Variants in RAPGEF5 observed in about 807,000 individuals in gnomAD.
RAPGEF5 encodes the protein M-Ras-regulated GEF.
RAPGEF5 carries 65 observed loss-of-function variants against 125.2 expected under a neutral mutation model. The ratio of observed to expected loss-of-function variants is 0.52; its 90% CI spans 0.43 to 0.64. The LOEUF is 0.64. RAPGEF5 is among the 30% of genes least tolerant of loss of function. The probability of loss-of-function intolerance (pLI) is 0.00; values close to 1 mark genes in which losing one functional copy is unlikely to be tolerated. For missense variants in RAPGEF5, 958 were observed against 1,048.1 expected (o/e 0.91, Z 1.19); for synonymous variants, 391 against 385.9 (o/e 1.01, Z -0.16).
At chr7:22,330,969 C>G (rs946230846) in intron 1 of RAPGEF5, among the ~76,000 whole-genome samples, 1 of 152,168 alleles carries the variant, frequency 6.6e-6, no homozygotes. Context: ...ATATAGGACG[C>G]TAGCTTCATT....
chr7:22,259,901 C>T (rs1211650080), intron 7 of RAPGEF5, among the ~76,000 whole-genome samples: 1 of 152,174 alleles, frequency 6.6e-6, no homozygotes. Flanking sequence ...CCCAGCCCAA[C>T]ATGGTGAAAC....
chr7:22,154,613 G>A lies in RAPGEF5; in HGVS notation c.1637-9C>T, dbSNP rs77652375. The A allele has an allele frequency of 0.023, 37,585 of 1,610,938 alleles. 563 individuals carry two copies. The highest frequency in any genetic ancestry group is 0.057 in the Middle Eastern group (339 of 5,972). On this transcript the variant is annotated splice_polypyrimidine_tract_variant and intron_variant, in intron 16 of 25. Coordinates refer to ENST00000665637, the MANE Select transcript of RAPGEF5 (RefSeq NM_012294.5). ...ATACACGTGGCAGAAAACTGCACAAGTGAAAAGAATTGTTTGGAAACAGAG... is the reference window on the plus strand; with the variant it reads ...ATACACGTGGCAGAAAACTGCACAAATGAAAAGAATTGTTTGGAAACAGAG...
chr7:22,303,579 A>C (rs557649577), intron 5 of RAPGEF5, among the ~76,000 whole-genome samples: 47 of 152,350 alleles, frequency 3.1e-4, no homozygotes, highest in African/African-American at 1.1e-3. Flanking sequence ...AGCAAATTAG[A>C]GGGGCCTAAT....
At chr7:22,339,991 T>C (rs1306572843) in intron 1 of RAPGEF5, among the ~76,000 whole-genome samples, 2 of 152,254 alleles carry the variant, frequency 1.3e-5, no homozygotes, top group South Asian at 2.1e-4. Context: ...AAGTGGGGAA[T>C]GTGAGAACTT....
chr7:22,232,572 G>A (rs1457395295), intron 7 of RAPGEF5, among the ~76,000 whole-genome samples: 1 of 152,070 alleles, frequency 6.6e-6, no homozygotes, highest in African/African-American at 2.4e-5. Context: ...TGCCTGCCTT[G>A]GCCTCCCAAA....
At chr7:22,257,717 T>C (rs1406581065) in intron 7 of RAPGEF5, among the ~76,000 whole-genome samples, 1 of 152,242 alleles carries the variant, frequency 6.6e-6, no homozygotes, top group East Asian at 1.9e-4. Flanking sequence ...TTGAATACAG[T>C]AATATATATC....
chr7:22,234,836 C>T (rs897093558), intron 7 of RAPGEF5, among the ~76,000 whole-genome samples: 2 of 151,612 alleles, frequency 1.3e-5, no homozygotes, highest in East Asian at 3.9e-4. Flanking sequence ...AACAAACAAA[C>T]AACAACAACA....
rs78210099 is a variant in RAPGEF5 at position 22,149,162 on chromosome 7, C to T, written c.1884+1245G>A. ...TCGTGGGGTTACTGGAAGTGTTAAA[C>T]GAGATACCGTATGTAAATTACTCAG... On this transcript the variant is annotated intron_variant, in intron 18 of 25. Transcript: ENST00000665637. Among the ~76,000 whole-genome samples, 779 of 152,254 alleles carry T rather than the reference C, an allele frequency of 5.1e-3. 8 individuals are homozygous for T. The highest frequency in any genetic ancestry group is 0.018 in the African/African-American group (750 of 41,524).
At chr7:22,165,191 A>G (rs1489490407) in intron 12 of RAPGEF5, among the ~76,000 whole-genome samples, 3 of 152,320 alleles carry the variant, frequency 2.0e-5, no homozygotes, top group Non-Finnish European at 4.4e-5. Context: ...TTGTGTATAT[A>G]ATGTCTTAGT....
intron 2 of RAPGEF5, among the ~76,000 whole-genome samples, chr7:22,316,418 CACACACATATATACATAT>C (rs1389018226): frequency 6.9e-6 from 1 of 144,662 alleles, no homozygotes; most frequent in Non-Finnish European, 1.5e-5. Context: ...TATATACATA[CACACACATATATACATAT>C]ACACACGTGT....
At chr7:22,276,808 C>G (rs1782568678) in intron 6 of RAPGEF5, among the ~76,000 whole-genome samples, 1 of 152,180 alleles carries the variant, frequency 6.6e-6, no homozygotes, top group Admixed American at 6.5e-5. Flanking sequence ...GACGAATTAA[C>G]ATGTATAAAT....
intron 7 of RAPGEF5, among the ~76,000 whole-genome samples, chr7:22,260,089 C>CAA (rs61052242): frequency 1.6e-5 from 2 of 121,346 alleles, no homozygotes; most frequent in Non-Finnish European, 1.8e-5. Context: ...AACTCCGTCT[C>CAA]AAAAAAAAAA....
chr7:22,353,145 A>G (rs984909243), intron 1 of RAPGEF5, among the ~76,000 whole-genome samples: 4 of 152,230 alleles, frequency 2.6e-5, no homozygotes, highest in Non-Finnish European at 4.4e-5. Context: ...GGAACAAGCT[A>G]AACATCACCA....
intron 21 of RAPGEF5, among the ~76,000 whole-genome samples, chr7:22,138,195 T>C (rs539531329): frequency 6.6e-6 from 1 of 152,148 alleles, no homozygotes; most frequent in Non-Finnish European, 1.5e-5. Context: ...AAACCCAACA[T>C]GTCCGAAGTC....
At chr7:22,148,996 G>A (rs1783533011) in intron 18 of RAPGEF5, among the ~76,000 whole-genome samples, 1 of 152,214 alleles carries the variant, frequency 6.6e-6, no homozygotes, top group Admixed American at 6.5e-5. Flanking sequence ...CTGAAGGACA[G>A]CACAGGAAAG....
chr7:22,164,476 G>C (rs1784101125), intron 12 of RAPGEF5, among the ~76,000 whole-genome samples: 1 of 152,156 alleles, frequency 6.6e-6, no homozygotes, highest in South Asian at 2.1e-4. Context: ...ATGAAGATAT[G>C]AACTTTGTAG....
chr7:22,151,891 T>G (rs16873143), intron 17 of RAPGEF5, among the ~76,000 whole-genome samples: 2,974 of 152,350 alleles, frequency 0.02, 104 homozygotes, highest in African/African-American at 0.069. Flanking sequence ...TTTCTCTTGT[T>G]GCAAATTGTT....
chr7:22,291,048 T>C, intron 6 of RAPGEF5, 127 bp downstream of exon 6: 4 of 1,090,086 alleles, frequency 3.7e-6, no homozygotes, highest in Non-Finnish European at 5.0e-6. Flanking sequence ...CCTTGCCTCA[T>C]ACCTCCCACA....
chr7:22,308,203 A>G (rs564822540), intron 5 of RAPGEF5, 136 bp downstream of exon 5: 1 of 866,934 alleles, frequency 1.2e-6, no homozygotes, highest in African/African-American at 1.8e-5. Context: ...ATCTTTCTAA[A>G]TGTGCATCTG....
Sources: gnomAD v4.1 joint callset for allele counts (sites outside exome capture counted in the v4.1 genomes callset) on GRCh38, gnomAD v4.1.1 for gene constraint, MANE v1.5 for transcripts, NCBI Gene and HGNC (gene_info 2026-07-23, HGNC 2026-07-21) for gene names.